USP30: variants seen among roughly 807,000 people sequenced by gnomAD.
The protein encoded by USP30 is ubiquitin carboxyl-terminal hydrolase 30.
USP30 carries 41 observed loss-of-function variants against 68.2 expected under a neutral mutation model. That is an observed-to-expected ratio of 0.60 (90% CI 0.47 to 0.78). USP30 has a LOEUF of 0.78. Among genes scored for constraint, USP30 ranks in the 30% least tolerant of loss-of-function variants. The pLI is 0.00. For missense variants in USP30, 522 were observed against 649.4 expected, an observed-to-expected ratio of 0.80 and a Z score of 2.13; for synonymous variants, 229 against 253.7, an observed-to-expected ratio of 0.90 and a Z score of 0.93.
At position 109,074,705 on chromosome 12, in the gene USP30, C is replaced by CTG. The variant is rs148377443; in HGVS notation, c.720+1188_720+1189dup. On this transcript the variant is annotated intron_variant, in intron 7 of 12. Transcript: ENST00000257548. ...TACAAAGTGAAGATTTGATGTATGA[C>CTG]TGTGTGTGTGTGTGTGCACGTGCAC... 1.9e-3 allele frequency among the ~76,000 whole-genome samples: 291 copies of CTG among 151,216 alleles called. 2 individuals are homozygous for CTG. The highest frequency in any genetic ancestry group is 6.1e-3 in the African/African-American group (251 of 41,334).
At chr12:109,080,207 T>C (rs2041754596) in intron 7 of USP30, among the ~76,000 whole-genome samples, 1 of 152,196 alleles carries the variant, frequency 6.6e-6, no homozygotes, top group Non-Finnish European at 1.5e-5. Flanking sequence ...CCTTTCTTCC[T>C]GGCATTTCCC....
At chr12:109,038,539 C>G (rs904280613) in intron 3 of USP30, among the ~76,000 whole-genome samples, 1 of 152,058 alleles carries the variant, frequency 6.6e-6, no homozygotes, top group African/African-American at 2.4e-5. Flanking sequence ...ATTTCTTCAG[C>G]AATGAATGCT....
chr12:109,082,770 G>A, intron 10 of USP30, 27 bp downstream of exon 10: 1 of 1,612,014 alleles, frequency 6.2e-7, no homozygotes, highest in South Asian at 1.1e-5. Flanking sequence ...CACCCTGTTG[G>A]CTTTGTTTTG....
chr12:109,052,652 C>A lies in USP30; in HGVS notation c.-27C>A, dbSNP rs746424606. On this transcript the variant is annotated 5_prime_UTR_variant, in exon 1 of 13. Transcript: ENST00000257548. ...GCGGCGGCGGCGGTAGCGGAGGAGACGGTTTCAGGCCTCCGGTGCGGCTGC... is the reference window on the plus strand; with the variant it reads ...GCGGCGGCGGCGGTAGCGGAGGAGAAGGTTTCAGGCCTCCGGTGCGGCTGC... 4.1e-6 allele frequency: 6 copies of A among 1,474,786 alleles called. No homozygotes were observed. Among genetic ancestry groups the A allele is most frequent in the Non-Finnish European group, 5.4e-6 (6 of 1,118,784 alleles). 91.4% of individuals were successfully genotyped at this position (1,474,786 alleles called of 1,614,324 possible).
chr12:109,031,017 A>G (rs1240997170), intron 3 of USP30, among the ~76,000 whole-genome samples: 2 of 152,216 alleles, frequency 1.3e-5, no homozygotes, highest in Non-Finnish European at 2.9e-5. Context: ...CAAAGGGTAT[A>G]CCAGAACCTT....
chr12:109,062,846 C>T (rs781732222), intron 3 of USP30, among the ~76,000 whole-genome samples: 15 of 152,126 alleles, frequency 9.9e-5, no homozygotes, highest in Non-Finnish European at 2.1e-4. Context: ...TGAAACTGTA[C>T]CCATGAAACA....
intron 3 of USP30, among the ~76,000 whole-genome samples, chr12:109,062,135 C>T (rs1241548973): frequency 6.6e-6 from 1 of 151,722 alleles, no homozygotes; most frequent in Non-Finnish European, 1.5e-5. Context: ...GGGTTTCACA[C>T]TGTTGCCTAG....
At chr12:109,026,042 A>C (rs1159399628) in intron 2 of USP30, among the ~76,000 whole-genome samples, 1 of 152,018 alleles carries the variant, frequency 6.6e-6, no homozygotes, top group Non-Finnish European at 1.5e-5. Flanking sequence ...AACCATGTGT[A>C]TCTTACTACC....
At chr12:109,027,083 C>T (rs2040449949) in intron 2 of USP30, among the ~76,000 whole-genome samples, 1 of 152,168 alleles carries the variant, frequency 6.6e-6, no homozygotes, top group African/African-American at 2.4e-5. Context: ...TGGACACAAA[C>T]ATTCAGTCCT....
intron 2 of USP30, 62 bp from the exon 3 acceptor site, chr12:109,057,864 A>G (rs1051038742): frequency 3.1e-5 from 48 of 1,534,428 alleles, no homozygotes; most frequent in African/African-American, 1.1e-4. Flanking sequence ...TGGGTCCCAC[A>G]TGGGAGAGAA....
chr12:109,058,236 A>C (rs1239384720), intron 3 of USP30, 128 bp downstream of exon 3: 3 of 1,054,994 alleles, frequency 2.8e-6, no homozygotes, highest in African/African-American at 1.6e-5. Context: ...TGAATAAACA[A>C]CACCAAGAGC....
upstream of USP30, among the ~76,000 whole-genome samples, chr12:109,051,368 C>T (rs1400414175): frequency 2.0e-5 from 3 of 150,006 alleles, no homozygotes; most frequent in South Asian, 4.2e-4. Flanking sequence ...GCGATTCTCC[C>T]GCCTCAGCCT....
In USP30 at chr12:109,086,154, G is replaced by A; in HGVS notation, c.*223G>A. On this transcript the variant is annotated 3_prime_UTR_variant, in exon 13 of 13. Transcript: ENST00000257548. ...TAGGTGGTTCTGTTGTGTTAAGAAA[G>A]CATTCATTATGTCCGGAGTGTCTTT... 1 of 561,348 alleles carries A rather than the reference G, an allele frequency of 1.8e-6. No individual in the cohort carries two copies. The highest frequency in any genetic ancestry group is 3.0e-6 in the Non-Finnish European group (1 of 329,558). 34.8% of individuals were successfully genotyped at this position (561,348 alleles called of 1,614,324 possible).
At chr12:109,053,114 C>A (rs1397445414) in intron 1 of USP30, 2 of 203,420 alleles carry the variant, frequency 9.8e-6, no homozygotes, top group Admixed American at 1.2e-4. Flanking sequence ...CTCAATCCTT[C>A]TAGTATACCC....
rs2041972108 is a variant in USP30, at chr12:109,087,419, G to C, written c.*1488G>C. On this transcript the variant is annotated 3_prime_UTR_variant, in exon 13 of 13. Coordinates refer to ENST00000257548, the MANE Select transcript of USP30 (RefSeq NM_032663.5). ...TTCTGCTGGGCCCAGGCTGCACCCT[G>C]AGGACTCAGTAACTCACTCTCAACA... is the stretch of plus-strand genomic sequence containing the variant. 6.6e-6 allele frequency: 1 copy of C among 152,198 alleles called. No individual in the cohort carries two copies. The highest frequency in any genetic ancestry group is 2.1e-4 in the South Asian group (1 of 4,830). 9.4% of individuals were successfully genotyped at this position (152,198 alleles called of 1,614,324 possible). A position where few individuals can be genotyped will look rare whatever the true frequency, so the allele number is the denominator to read the frequency against.
At chr12:109,074,826 C>T (rs974028963) in intron 7 of USP30, among the ~76,000 whole-genome samples, 1 of 152,136 alleles carries the variant, frequency 6.6e-6, no homozygotes, top group African/African-American at 2.4e-5. Flanking sequence ...GTTAACTCTC[C>T]AGAACTTATT....
intron 3 of USP30, among the ~76,000 whole-genome samples, chr12:109,063,592 A>G (rs1264360073): frequency 6.6e-6 from 1 of 152,146 alleles, no homozygotes; most frequent in Non-Finnish European, 1.5e-5. Context: ...TCAAATGGTA[A>G]TTCTGTTTAA....
intron 3 of USP30, among the ~76,000 whole-genome samples, chr12:109,061,736 T>A (rs1408911971): frequency 2.6e-5 from 4 of 152,256 alleles, no homozygotes; most frequent in African/African-American, 9.6e-5. Context: ...ATTATACAAG[T>A]AATGCATGAA....
In USP30 at chr12:109,052,600, G is replaced by A. The variant is rs1382939434; in HGVS notation, c.-79G>A. ...TGCGGCCGCAGGTTCCGCTGTCTCG[G>A]GAACCGTCGTATCCCTCGGTCCGGC... On this transcript the variant is annotated 5_prime_UTR_variant, in exon 1 of 13. Coordinates refer to ENST00000257548, the MANE Select transcript of USP30 (RefSeq NM_032663.5). 5.8e-6 allele frequency: 8 copies of A among 1,368,792 alleles called. No homozygotes were observed. The South Asian group carries it at 9.3e-5, about 16-fold the overall frequency. 84.8% of individuals were successfully genotyped at this position (1,368,792 alleles called of 1,614,324 possible). A position where few individuals can be genotyped will look rare whatever the true frequency, so the allele number is the denominator to read the frequency against.
Sources: allele counts gnomAD v4.1 joint callset (sites outside exome capture counted in the v4.1 genomes callset), GRCh38; gene constraint gnomAD v4.1.1; transcripts MANE v1.5; gene names NCBI Gene and HGNC (gene_info 2026-07-23, HGNC 2026-07-21).